The following SGCD variants were observed in gnomAD, a reference collection of about 807,000 sequenced individuals.
SGCD encodes sarcoglycan delta, also known as delta-sarcoglycan.
Under a neutral mutation model 36.6 loss-of-function variants are expected in SGCD, and 18 were observed. That is an observed-to-expected ratio of 0.49 (90% confidence interval 0.34 to 0.73). The LOEUF (loss-of-function observed/expected upper bound fraction) is 0.73, where lower values mean the gene tolerates loss of function less well. Ranked by LOEUF, SGCD falls within the 30% of genes least tolerant of loss-of-function variation. SGCD has a pLI of 0.01. For synonymous variants in SGCD, 133 were observed against 130.6 expected (o/e 1.02, Z -0.12); for missense variants, 387 against 346.7 (o/e 1.12, Z -0.92).
intron 1 of SGCD, among the ~76,000 whole-genome samples, chr5:155,986,760 G>C (rs1469110639): frequency 6.6e-6 from 1 of 152,136 alleles, no homozygotes; most frequent in African/African-American, 2.4e-5. Flanking sequence ...TTTCTTCAGA[G>C]GTTATGCGGT....
At chr5:156,460,764 G>T in intron 3 of SGCD, among the ~76,000 whole-genome samples, 1 of 152,096 alleles carries the variant, frequency 6.6e-6, no homozygotes, top group East Asian at 1.9e-4. Context: ...GCATCTACAG[G>T]ATGTTAAAAG....
chr5:155,750,317 C>T, the SGCD span, among the ~76,000 whole-genome samples: 12 of 152,140 alleles, frequency 7.9e-5, no homozygotes, highest in Admixed American at 5.2e-4. Context: ...GATTGTTCTA[C>T]GAATGTACAG....
In SGCD at chr5:156,406,869, T is replaced by G. The variant is rs112079795; in HGVS notation, c.192+62192T>G. On this transcript the variant is annotated intron_variant, in intron 3 of 8. Transcript: ENST00000337851. The stretch of plus-strand genomic sequence containing the variant: ...ATATATGTGTATATATATTAGTTTA[T>G]TAAGTATTAACTTACATAATCACAA... Among the ~76,000 whole-genome samples, 211 of 147,884 alleles carry G rather than the reference T, an allele frequency of 1.4e-3. 3 individuals are homozygous for G. The highest frequency in any genetic ancestry group is 4.9e-3 in the African/African-American group (195 of 39,932).
chr5:156,073,044 C>G (rs1003414956), intron 1 of SGCD, among the ~76,000 whole-genome samples: 1 of 152,210 alleles, frequency 6.6e-6, no homozygotes, highest in Admixed American at 6.5e-5. Context: ...AAATTTTTTT[C>G]AAAGTTTTCA....
intron 3 of SGCD, among the ~76,000 whole-genome samples, chr5:156,414,961 T>A (rs1220863476): frequency 6.6e-6 from 1 of 152,218 alleles, no homozygotes; most frequent in Middle Eastern, 3.2e-3. Flanking sequence ...AATATTTAAC[T>A]ATATTTTTAT....
At chr5:156,620,169 T>C (rs2113494453) in intron 6 of SGCD, among the ~76,000 whole-genome samples, 1 of 152,328 alleles carries the variant, frequency 6.6e-6, no homozygotes, top group East Asian at 1.9e-4. Context: ...TGAAAGCCTC[T>C]GGTTTCTCAT....
intron 3 of SGCD, among the ~76,000 whole-genome samples, chr5:156,418,914 C>T (rs540045366): frequency 2.0e-5 from 3 of 152,264 alleles, no homozygotes; most frequent in African/African-American, 4.8e-5. Flanking sequence ...AGAATGAAAT[C>T]CAGCGTTGAA....
At chr5:155,942,781 T>C (rs753402222) in intron 1 of SGCD, among the ~76,000 whole-genome samples, 4 of 151,976 alleles carry the variant, frequency 2.6e-5, no homozygotes, top group Non-Finnish European at 5.9e-5. Flanking sequence ...TATGAACAAA[T>C]AGGAAAATGT....
intron 3 of SGCD, among the ~76,000 whole-genome samples, chr5:156,185,212 C>CA (rs1263942221): frequency 1.8e-5 from 2 of 113,232 alleles, no homozygotes; most frequent in East Asian, 2.5e-4. Context: ...CTTTAATTTT[C>CA]TTTTTTTTTT....
At chr5:156,300,383 C>T (rs1767021830) in intron 3 of SGCD, among the ~76,000 whole-genome samples, 1 of 152,010 alleles carries the variant, frequency 6.6e-6, no homozygotes, top group Non-Finnish European at 1.5e-5. Flanking sequence ...ACCCACTCAT[C>T]ATTTAGGAGC....
the SGCD span, among the ~76,000 whole-genome samples, chr5:155,850,296 T>TG: frequency 6.6e-6 from 1 of 152,096 alleles, no homozygotes; most frequent in East Asian, 1.9e-4. Flanking sequence ...ACTGGGCTGG[T>TG]GATACTGCTG....
At chr5:156,733,811 G>T (rs1360618240) in intron 7 of SGCD, among the ~76,000 whole-genome samples, 1 of 152,072 alleles carries the variant, frequency 6.6e-6, no homozygotes, top group East Asian at 1.9e-4. Context: ...TACAACCCCT[G>T]CTTTTTAATG....
At chr5:155,944,787 CA>C (rs1757404815) in intron 1 of SGCD, among the ~76,000 whole-genome samples, 4 of 152,164 alleles carry the variant, frequency 2.6e-5, no homozygotes, top group African/African-American at 9.6e-5. Context: ...AACTTCGGGT[CA>C]TATTTTCTTC....
chr5:156,400,607 T>G (rs1772095184), intron 3 of SGCD, among the ~76,000 whole-genome samples: 1 of 152,206 alleles, frequency 6.6e-6, no homozygotes, highest in African/African-American at 2.4e-5. Context: ...TGAACACAAC[T>G]TATATTGCCT....
At position 156,638,746 on chromosome 5, in the gene SGCD, G is replaced by T. The variant is rs190589226; in HGVS notation, c.503-8718G>T. 3.3e-5 allele frequency among the ~76,000 whole-genome samples: 5 copies of T among 152,188 alleles called. No individual in the cohort carries two copies. The East Asian group carries it at 9.7e-4, about 29-fold the overall frequency. On this transcript the variant is annotated intron_variant, in intron 6 of 8. Coordinates refer to ENST00000337851, the MANE Select transcript of SGCD (RefSeq NM_000337.6). ...TTTGGCTTAATGATACACTGAGCAT[G>T]AGTTCCGGTCTATTGGTTTCCAGAG...
At chr5:156,488,541 A>T (rs1162254549) in intron 3 of SGCD, among the ~76,000 whole-genome samples, 1 of 152,130 alleles carries the variant, frequency 6.6e-6, no homozygotes, top group Non-Finnish European at 1.5e-5. Context: ...TGCAGCCAAG[A>T]ATACTCTACC....
intron 3 of SGCD, among the ~76,000 whole-genome samples, chr5:156,406,815 T>C (rs1258644503): frequency 2.7e-5 from 3 of 110,972 alleles, no homozygotes; most frequent in African/African-American, 1.2e-4. Flanking sequence ...TATATATATA[T>C]ATATACACAC....
chr5:156,616,493 T>C (rs114857198), intron 6 of SGCD, among the ~76,000 whole-genome samples: 1 of 152,264 alleles, frequency 6.6e-6, no homozygotes, highest in African/African-American at 2.4e-5. Flanking sequence ...ATCATGATGG[T>C]TGGATGGTTG....
rs373877018 is a variant in SGCD, at chr5:155,912,411, A to G, written c.-282+41987A>G. On this transcript the variant is annotated intron_variant, in intron 1 of 9. Coordinates refer to the SGCD transcript ENST00000517913. The stretch of plus-strand genomic sequence containing the variant: ...CACACCAACAGAGAAAATGCCTTCA[A>G]CATTTTTCTTTTAATGATTTGTGCT... 4.1e-4 allele frequency among the ~76,000 whole-genome samples: 63 copies of G among 152,284 alleles called. No individual in the cohort carries two copies. In the South Asian group the frequency reaches 0.013, roughly 31 times the overall value.
Sources: allele counts gnomAD v4.1 joint callset (sites outside exome capture counted in the v4.1 genomes callset), GRCh38; gene constraint gnomAD v4.1.1; transcripts MANE v1.5; gene names NCBI Gene and HGNC (gene_info 2026-07-23, HGNC 2026-07-21).